Variants in RHPN1 observed in about 807,000 individuals in gnomAD.
The protein encoded by RHPN1 is rhophilin-1.
RHPN1 carries 77 observed loss-of-function variants against 74.7 expected under a neutral mutation model. The observed-to-expected ratio is 1.03, with a 90% CI of 0.86 to 1.25. The LOEUF (loss-of-function observed/expected upper bound fraction) is 1.25. RHPN1 is among the 50% of genes most tolerant of loss of function. The pLI, the probability that RHPN1 is intolerant of heterozygous loss-of-function variation, is 0.00. For missense variants in RHPN1, 987 were observed against 932.2 expected (o/e 1.06, Z -0.77); for synonymous variants, 444 against 414.5 (o/e 1.07, Z -0.87).
At chr8:143,380,512 C>T in intron 10 of RHPN1, 77 bp from the exon 11 acceptor site, 4 of 1,315,368 alleles carry the variant, frequency 3.0e-6, no homozygotes, top group Non-Finnish European at 4.0e-6. Context: ...ACAGCCCTGG[C>T]GTTGCCCACT....
rs570165000 is a variant in RHPN1, at chr8:143,377,042, CTG to C, written c.306-330_306-329del. On this transcript the variant is annotated intron_variant, in intron 3 of 14. Coordinates refer to ENST00000289013, the MANE Select transcript of RHPN1 (RefSeq NM_052924.3). Reference sequence around the variant, plus strand: ...TATGTGTGCGTGTATGCACGTGTGTCTGTGTGTGTCTGTGTGTGCGCGTGTGT... The same window carrying C: ...TATGTGTGCGTGTATGCACGTGTGTCTGTGTGTCTGTGTGTGCGCGTGTGT... 3.5e-3 allele frequency among the ~76,000 whole-genome samples: 222 copies of C among 62,760 alleles called. 2 individuals carry two copies. The highest frequency in any genetic ancestry group is 7.2e-3 in the South Asian group (8 of 1,106). The allele number at this position is 62,760 out of a possible 152,430, so 41.2% of individuals were successfully genotyped here. A position where few individuals can be genotyped will look rare whatever the true frequency, so the allele number is the denominator to read the frequency against.
rs1227523219 is a variant in RHPN1 at position 143,379,518 on chromosome 8, G to A, written c.945+10G>A. ...GCAGGAGGCCGCCCAGGTGAGCTCG[G>A]GCACCCGTGTCAGGATGCAGGGGGT... On this transcript the variant is annotated intron_variant, in intron 8 of 14. Transcript: ENST00000289013. The A allele has an allele frequency of 1.3e-6, 2 of 1,537,242 alleles. No individual in the cohort carries two copies. The highest frequency in any genetic ancestry group is 1.4e-5 in the African/African-American group (1 of 72,854).
At position 143,381,370 on chromosome 8, in the gene RHPN1, G is replaced by A. The variant is rs181313103; in HGVS notation, c.1488+26G>A. 2.7e-4 allele frequency: 422 copies of A among 1,586,290 alleles called. 1 individual carries two copies. In the African/African-American group the frequency reaches 3.8e-3, roughly 14 times the overall value. Reference sequence around the variant, plus strand: ...GTGAGCACACCCGTCCCCAGGCACCGCCCAGCATGGGCAGCTTGGGCTGTG... The same window carrying A: ...GTGAGCACACCCGTCCCCAGGCACCACCCAGCATGGGCAGCTTGGGCTGTG... On this transcript the variant is annotated intron_variant, in intron 12 of 14. Coordinates refer to ENST00000289013, the MANE Select transcript of RHPN1 (RefSeq NM_052924.3).
intron 3 of RHPN1, among the ~76,000 whole-genome samples, 161 bp downstream of exon 3, chr8:143,376,814 G>A: frequency 6.7e-6 from 1 of 149,300 alleles, no homozygotes; most frequent in Admixed American, 6.6e-5. Context: ...GTGCGCGTGT[G>A]TCTGTGTGCA....
chr8:143,379,449 GC>G lies in RHPN1; in HGVS notation c.888del (p.Ser297ProfsTer26). ...TGTGTTTGAGGGCCTCTCACCACCT[GC>G]CTCCATGGCCCCCCAAGACTGCCTG... The part of the protein sequence containing the change: ...ECVFEGLSPP[A>X]SMAPQDCLAQ... On this transcript the variant is annotated frameshift_variant, in exon 8 of 15. Coordinates refer to ENST00000289013, the MANE Select transcript of RHPN1 (RefSeq NM_052924.3). LOFTEE classifies it high-confidence loss of function. 6.4e-7 allele frequency: 1 copy of G among 1,573,350 alleles called. No homozygotes were observed. Among genetic ancestry groups the G allele is most frequent in the Non-Finnish European group, 8.6e-7 (1 of 1,159,976 alleles).
chr8:143,374,094 A>T, intron 1 of RHPN1: 1 of 981,884 alleles, frequency 1.0e-6, no homozygotes, highest in Non-Finnish European at 1.2e-6. Flanking sequence ...TAAAATGCAC[A>T]CAAAGATCTC....
At chr8:143,379,770 G>A in intron 8 of RHPN1, 59 bp from the exon 9 acceptor site, 1 of 1,543,674 alleles carries the variant, frequency 6.5e-7, no homozygotes, top group Non-Finnish European at 8.7e-7. Context: ...TGGGTAGGGA[G>A]AAGCAGGCAC....
intron 1 of RHPN1, among the ~76,000 whole-genome samples, chr8:143,371,661 G>A (rs1290185383): frequency 3.3e-5 from 5 of 152,182 alleles, no homozygotes; most frequent in Admixed American, 6.5e-5. Flanking sequence ...TCTGTTCTTC[G>A]TCCCTCTCCA....
intron 1 of RHPN1, chr8:143,374,403 A>C: frequency 2.4e-6 from 2 of 827,104 alleles, no homozygotes; most frequent in South Asian, 5.5e-5. Flanking sequence ...GAGCCACCAG[A>C]GGCCTTGTCT....
chr8:143,364,337 C>T (rs1285911033), upstream of RHPN1, among the ~76,000 whole-genome samples: 1 of 149,134 alleles, frequency 6.7e-6, no homozygotes, highest in Non-Finnish European at 1.5e-5. The surrounding 1 kb of genome is among the most constrained non-coding windows in gnomAD (Gnocchi z 4.5). Flanking sequence ...GCGTCTCCCT[C>T]CCTCCCTCCC....
chr8:143,374,104 C>T (rs900800203), intron 1 of RHPN1: 1 of 983,212 alleles, frequency 1.0e-6, no homozygotes, highest in Non-Finnish European at 1.2e-6. Flanking sequence ...ACAAAGATCT[C>T]GTTCACATTA....
intron 7 of RHPN1, 111 bp from the exon 8 acceptor site, chr8:143,379,204 C>T: frequency 7.2e-7 from 1 of 1,383,242 alleles, no homozygotes; most frequent in Non-Finnish European, 9.6e-7. Context: ...GTGAGCACAT[C>T]AGGTCCATAT....
At chr8:143,369,832 G>A (rs564123858) in intron 1 of RHPN1, among the ~76,000 whole-genome samples, 2 of 152,266 alleles carry the variant, frequency 1.3e-5, no homozygotes, top group Non-Finnish European at 2.9e-5. Context: ...TCCCCTCTGG[G>A]ACGTCAGACT....
At position 143,381,313 on chromosome 8, in the gene RHPN1, A is replaced by G; in HGVS notation, c.1457A>G (p.Gln486Arg). 6.2e-7 allele frequency: 1 copy of G among 1,612,688 alleles called. No homozygotes were observed. Among genetic ancestry groups the G allele is most frequent in the Non-Finnish European group, 8.5e-7 (1 of 1,179,592 alleles). Residue 486 changes from glutamine (Q) to arginine (R), a missense_variant, in exon 12 of 15, where the codon CAG (glutamine) becomes CGG (arginine). Gln to Arg is a conservative substitution (Grantham distance 43, BLOSUM62 1). Transcript: ENST00000289013. Reference protein sequence around the residue: ...KPEARMPRLSQGKGPDIFHRL... With the variant: ...KPEARMPRLSRGKGPDIFHRL... ...GAGGCCAGGATGCCACGCCTGTCCCAGGGGAAGGGGCCTGACATCTTCCAT... is the reference window on the plus strand; with the variant it reads ...GAGGCCAGGATGCCACGCCTGTCCCGGGGGAAGGGGCCTGACATCTTCCAT...
Position 143,378,356 on chromosome 8 carries a change from T to TCCCCCCCCCCCCCCCC in RHPN1, c.459+15_459+16insCCCCCCCCCCCCCCCC. 6 of 1,525,432 alleles carry TCCCCCCCCCCCCCCCC rather than the reference T, an allele frequency of 3.9e-6. No homozygotes were observed. The highest frequency in any genetic ancestry group is 4.4e-6 in the Non-Finnish European group (5 of 1,136,342). The allele number at this position is 1,525,432 out of a possible 1,614,324, so 94.5% of individuals were successfully genotyped here. A position where few individuals can be genotyped will look rare whatever the true frequency, so the allele number is the denominator to read the frequency against. ...GGAGGCCCTGCGGCAGGTGTGTGGT[T>TCCCCCCCCCCCCCCCC]CCCCCGCCCACCCACCCTCCTGCAG... On this transcript the variant is annotated intron_variant, in intron 5 of 14. Transcript: ENST00000289013.
rs771927587 is a variant in RHPN1 at position 143,380,090 on chromosome 8, C to T, written c.1131C>T (p.His377=). 7.9e-5 allele frequency: 123 copies of T among 1,552,906 alleles called. 1 individual carries two copies. The highest frequency in any genetic ancestry group is 9.5e-5 in the Non-Finnish European group (109 of 1,149,484). Residue 377 remains histidine (H), a synonymous_variant, in exon 10 of 15, where the codon CAC becomes CAT. Transcript: ENST00000289013. ...CGACCGAGGGAGAGCTCCCCACGCA[C>T]GAGCAGGTCTTCCTGCAGCCCCCCA... ...SPATEGELPT[H]EQVFLQPPTS... is the part of the protein sequence containing the mutation.
At position 143,381,755 on chromosome 8, in the gene RHPN1, G is replaced by T. The variant is rs371927375; in HGVS notation, c.1635+37G>T. ...GCCGGCCCCCTGAGGCTGAGTCCTT[G>T]GTGCCAGCCAGGGTGTCCTGTCCCC... is the stretch of plus-strand genomic sequence containing the variant. On this transcript the variant is annotated intron_variant, in intron 13 of 14. Coordinates refer to ENST00000289013, the MANE Select transcript of RHPN1 (RefSeq NM_052924.3). 9.1e-5 allele frequency: 146 copies of T among 1,605,620 alleles called. No homozygotes were observed. In the African/African-American group the frequency reaches 1.8e-3, roughly 20 times the overall value.
chr8:143,382,559 G>C lies in RHPN1; in HGVS notation c.1921G>C (p.Ala641Pro). ...GCCCCTCCTCAACTGGAGCCGAAAGGCCCAGCAGGGCAAGACTGGAGGCTG... is the reference window on the plus strand; with the variant it reads ...GCCCCTCCTCAACTGGAGCCGAAAGCCCCAGCAGGGCAAGACTGGAGGCTG... ...PRPLLNWSRK[A>P]QQGKTGGCPQ... is the part of the protein sequence containing the mutation. Residue 641 changes from alanine to proline, a missense_variant, in exon 15 of 15, where the codon GCC becomes CCC. Transcript: ENST00000289013. 5 of 1,611,626 alleles carry C rather than the reference G, an allele frequency of 3.1e-6. No homozygotes were observed. The highest frequency in any genetic ancestry group is 1.8e-4 in the Middle Eastern group (1 of 5,518).
chr8:143,379,691 A>G (rs1818566130), intron 8 of RHPN1, 138 bp from the exon 9 acceptor site: 2 of 1,447,114 alleles, frequency 1.4e-6, no homozygotes, highest in Non-Finnish European at 1.8e-6. Context: ...CCTCCAGGGG[A>G]TGGCACAAAG....
Sources: gnomAD v4.1 joint callset for allele counts (sites outside exome capture counted in the v4.1 genomes callset) on GRCh38, gnomAD v4.1.1 for gene constraint, Gnocchi (gnomAD v3.1) non-coding constraint, MANE v1.5 for transcripts, NCBI Gene and HGNC (gene_info 2026-07-23, HGNC 2026-07-21) for gene names.